MGRN1: variants seen among roughly 807,000 people sequenced by gnomAD.
MGRN1 encodes mahogunin ring finger 1.
A neutral mutation model predicts 69.2 loss-of-function variants in MGRN1; 29 were observed. The observed-to-expected ratio is 0.42, with a 90% CI of 0.31 to 0.57. The LOEUF (loss-of-function observed/expected upper bound fraction) is 0.57, where lower values mean the gene tolerates loss of function less well. Ranked by LOEUF, MGRN1 falls within the 20% of genes least tolerant of loss-of-function variation. MGRN1 has a pLI of 0.15. For missense variants in MGRN1, 998 were observed against 796.2 expected, an observed-to-expected ratio of 1.25 and a Z score of -3.05; for synonymous variants, 470 against 344.2, an observed-to-expected ratio of 1.37 and a Z score of -4.04.
intron 9 of MGRN1, 124 bp downstream of exon 9, chr16:4,671,583 C>A: frequency 1.6e-6 from 1 of 607,650 alleles, no homozygotes; most frequent in South Asian, 2.4e-5. Context: ...CGCTAGACAA[C>A]ATCATTTTTC....
At chr16:4,684,613 C>T (rs2079266163) in intron 16 of MGRN1, among the ~76,000 whole-genome samples, 1 of 152,280 alleles carries the variant, frequency 6.6e-6, no homozygotes, top group Non-Finnish European at 1.5e-5. Flanking sequence ...GCTCTTCTCA[C>T]CTTTCCCGGA....
At chr16:4,663,373 T>TTG (rs2078727562) in intron 5 of MGRN1, among the ~76,000 whole-genome samples, 1 of 130,004 alleles carries the variant, frequency 7.7e-6, no homozygotes, top group South Asian at 2.7e-4. Context: ...TTGTTTTTTT[T>TTG]TTTTTTTTTT....
chr16:4,688,655 A>AGT, intron 16 of MGRN1, 141 bp from the exon 17 acceptor site: 1 of 1,439,010 alleles, frequency 6.9e-7, no homozygotes, highest in Non-Finnish European at 9.2e-7. Context: ...CTCACATCTG[A>AGT]GTGAATGCTG....
At chr16:4,628,649 A>T (rs971396538) in intron 1 of MGRN1, among the ~76,000 whole-genome samples, 2 of 152,042 alleles carry the variant, frequency 1.3e-5, no homozygotes, top group African/African-American at 4.8e-5. Context: ...GGTTCAAGCA[A>T]TTCTCCTGTT....
chr16:4,642,290 G>T (rs1184737563), intron 1 of MGRN1, among the ~76,000 whole-genome samples: 3 of 151,552 alleles, frequency 2.0e-5, no homozygotes, highest in Admixed American at 6.6e-5. Context: ...GCTAATTTTT[G>T]TATTTTTATT....
In MGRN1 at chr16:4,683,247, T is replaced by G. The variant is rs919971280; in HGVS notation, c.1506T>G (p.Asp502Glu). ...SPESFITEEVDESSSPQQGTR... is the reference protein window; with the variant it reads ...SPESFITEEVEESSSPQQGTR... ...AGAGTTTCATAACAGAAGAGGTTGA[T>G]GAGTCGTCGTCACCACAGCAAGGTG... The change falls in exon 15 of 17, where the codon GAT becomes GAG. Residue 502 changes from aspartate to glutamate, a missense_variant. By Grantham distance (45) the Asp-to-Glu change is conservative. Transcript: ENST00000262370. The G allele has an allele frequency of 1.9e-6, 3 of 1,613,718 alleles. No individual in the cohort carries two copies. The highest frequency in any genetic ancestry group is 2.7e-5 in the African/African-American group (2 of 74,940).
chr16:4,677,375 G>C, intron 10 of MGRN1, 88 bp from the exon 11 acceptor site: 2 of 991,254 alleles, frequency 2.0e-6, no homozygotes, highest in Middle Eastern at 3.2e-4. Flanking sequence ...CTATGGTGTG[G>C]GGGGGGTGTT....
intron 15 of MGRN1, among the ~76,000 whole-genome samples, chr16:4,683,556 CAA>C (rs60937592): frequency 6.1e-4 from 87 of 143,042 alleles, no homozygotes; most frequent in Non-Finnish European, 4.4e-4. Context: ...TTTCTATGAC[CAA>C]AAAAAAAAAA....
At chr16:4,656,555 A>G (rs2078542522) in intron 4 of MGRN1, among the ~76,000 whole-genome samples, 1 of 152,196 alleles carries the variant, frequency 6.6e-6, no homozygotes, top group Non-Finnish European at 1.5e-5. Context: ...TGCATTTTGC[A>G]CTGTGTATAC....
chr16:4,678,305 C>T (rs2079098793), intron 11 of MGRN1, among the ~76,000 whole-genome samples: 1 of 152,144 alleles, frequency 6.6e-6, no homozygotes, highest in African/African-American at 2.4e-5. Flanking sequence ...GGAACCCTGG[C>T]TTCAAGGACC....
chr16:4,673,516 A>T lies in MGRN1; in HGVS notation c.814A>T (p.Ser272Cys). The change falls in exon 10 of 17, where the codon AGC (serine) becomes TGC (cysteine). Residue 272 changes from serine (S) to cysteine (C), a missense_variant. Ser to Cys is a moderately radical substitution (Grantham distance 112). Transcript: ENST00000262370. The stretch of plus-strand genomic sequence containing the variant: ...CCGGCAGCCCTCGGACGACGAGAAC[A>T]GCGACAACAGCAACGAGTGTGTGGT... ...QETKPSDDEN[S>C]DNSNECVVCL... 6 of 1,613,364 alleles carry T rather than the reference A, an allele frequency of 3.7e-6. No homozygotes were observed. The highest frequency in any genetic ancestry group is 4.2e-6 in the Non-Finnish European group (5 of 1,179,976).
intron 8 of MGRN1, chr16:4,671,178 G>A (rs1164375462): frequency 1.7e-6 from 1 of 587,354 alleles, no homozygotes; most frequent in South Asian, 2.0e-5. Context: ...AGTGGGGAGA[G>A]CCACCGGCTC....
At chr16:4,662,074 C>G (rs897761949) in intron 5 of MGRN1, among the ~76,000 whole-genome samples, 1 of 152,166 alleles carries the variant, frequency 6.6e-6, no homozygotes, top group African/African-American at 2.4e-5. Flanking sequence ...CGGGTACTTT[C>G]TTGACACTGA....
chr16:4,683,911 C>A lies in MGRN1; in HGVS notation c.1597C>A (p.Pro533Thr). 6.2e-7 allele frequency: 1 copy of A among 1,611,882 alleles called. No individual in the cohort carries two copies. The highest frequency in any genetic ancestry group is 8.5e-7 in the Non-Finnish European group (1 of 1,179,458). The change falls in exon 16 of 17, where the codon CCT (proline) becomes ACT (threonine). Residue 533 changes from proline (P) to threonine (T), a missense_variant. Transcript: ENST00000262370. ...SSPEHCGRGP[P>T]ADIYLPGRPT... ...CCCCGAGCACTGTGGCCGAGGCCCA[C>A]CTGCTGACATCTACCTGCCAGGTAA...
chr16:4,672,212 A>G (rs572643557), intron 9 of MGRN1, among the ~76,000 whole-genome samples: 1 of 151,606 alleles, frequency 6.6e-6, no homozygotes, highest in Non-Finnish European at 1.5e-5. Flanking sequence ...CCTAATTTTT[A>G]ATTTTTGTAT....
intron 10 of MGRN1, among the ~76,000 whole-genome samples, chr16:4,676,578 C>G (rs2079057943): frequency 6.6e-6 from 1 of 152,190 alleles, no homozygotes; most frequent in Non-Finnish European, 1.5e-5. Flanking sequence ...CTGCTGTTCT[C>G]AGTAGAAATT....
chr16:4,686,680 AC>A (rs2079327073), intron 16 of MGRN1: 1 of 1,057,782 alleles, frequency 9.5e-7, no homozygotes, highest in Admixed American at 5.3e-5. Flanking sequence ...TGAGGGCAGC[AC>A]CGTGGAGGGA....
chr16:4,666,869 C>T (rs544240766), intron 7 of MGRN1, among the ~76,000 whole-genome samples: 41 of 152,228 alleles, frequency 2.7e-4, no homozygotes, highest in Non-Finnish European at 1.6e-4. Context: ...AGTTTGATGT[C>T]TGGCACAGAG....
At chr16:4,685,894 GC>G (rs1187145976) in intron 16 of MGRN1, among the ~76,000 whole-genome samples, 1 of 152,170 alleles carries the variant, frequency 6.6e-6, no homozygotes, top group Non-Finnish European at 1.5e-5. Flanking sequence ...AACACTGGGG[GC>G]CCTGGTGTCT....
Sources: gnomAD v4.1 joint callset for allele counts (sites outside exome capture counted in the v4.1 genomes callset) on GRCh38, gnomAD v4.1.1 for gene constraint, MANE v1.5 for transcripts, NCBI Gene and HGNC (gene_info 2026-07-23, HGNC 2026-07-21) for gene names.